EDN3: variants seen among roughly 807,000 people sequenced by gnomAD.
EDN3 encodes endothelin-3.
EDN3 carries 9 observed loss-of-function variants against 21.4 expected under a neutral mutation model. That is an observed-to-expected ratio of 0.42 (90% CI 0.25 to 0.73). EDN3 has a LOEUF of 0.73. Among genes scored for constraint, EDN3 ranks in the 30% least tolerant of loss-of-function variants. The pLI is 0.26. For synonymous variants in EDN3, 133 were observed against 126.2 expected (o/e 1.05, Z -0.36); for missense variants, 327 against 309.4 (o/e 1.06, Z -0.43).
At chr20:59,304,714 T>A (rs1989280205) in intron 2 of EDN3, among the ~76,000 whole-genome samples, 1 of 152,146 alleles carries the variant, frequency 6.6e-6, no homozygotes, top group East Asian at 1.9e-4. Context: ...CAAGGGAAGT[T>A]AACTGTCTAG....
rs11570267 is a variant in EDN3, at chr20:59,303,932, C to T, written c.365+2210C>T. Among the ~76,000 whole-genome samples the T allele has an allele frequency of 4.8e-3, 737 of 152,292 alleles. 3 individuals carry two copies. The highest frequency in any genetic ancestry group is 8.5e-3 in the Non-Finnish European group (579 of 68,040). On this transcript the variant is annotated intron_variant, in intron 2 of 4. Transcript: ENST00000337938. ...CCCTGAGCTACTTGGGAAACAAAAA[C>T]GACAATAGCCAGACTTGAGCATTTT...
chr20:59,310,634 G>A (rs528367853), intron 2 of EDN3, among the ~76,000 whole-genome samples: 1 of 152,220 alleles, frequency 6.6e-6, no homozygotes, highest in Non-Finnish European at 1.5e-5. Flanking sequence ...CCTCCTCAGG[G>A]CAGACTTGGT....
At chr20:59,306,424 C>T (rs551630566) in intron 2 of EDN3, among the ~76,000 whole-genome samples, 93 of 152,010 alleles carry the variant, frequency 6.1e-4, no homozygotes, top group African/African-American at 1.7e-3. Flanking sequence ...AGACATCAGC[C>T]GCTCCAGGAC....
chr20:59,302,883 C>G (rs8183265), intron 2 of EDN3, among the ~76,000 whole-genome samples: 1 of 152,192 alleles, frequency 6.6e-6, no homozygotes, highest in Non-Finnish European at 1.5e-5. Flanking sequence ...ATGGGGCTCA[C>G]TTACCTACCT....
chr20:59,306,935 A>G (rs1434750622), intron 2 of EDN3, among the ~76,000 whole-genome samples: 3 of 152,164 alleles, frequency 2.0e-5, no homozygotes, highest in Non-Finnish European at 4.4e-5. Context: ...ACTTGAAGTC[A>G]GGAGTTTGAG....
intron 2 of EDN3, among the ~76,000 whole-genome samples, chr20:59,314,249 G>A (rs560115944): frequency 3.9e-5 from 6 of 152,250 alleles, no homozygotes; most frequent in South Asian, 2.1e-4. Context: ...GTGTGTTGTC[G>A]CAGTGAAGAA....
chr20:59,303,845 T>G (rs529419427), intron 2 of EDN3, among the ~76,000 whole-genome samples: 1 of 152,328 alleles, frequency 6.6e-6, no homozygotes, highest in East Asian at 1.9e-4. Flanking sequence ...CTTCCCTTCC[T>G]TCCCGACACT....
Position 59,321,113 on chromosome 20 carries a change from G to T in EDN3, c.462G>T (p.Arg154=), listed in dbSNP as rs1346806412. 2 of 1,614,220 alleles carry T rather than the reference G, an allele frequency of 1.2e-6. No homozygotes were observed. Among genetic ancestry groups the T allele is most frequent in the Admixed American group, 1.7e-5 (1 of 60,032 alleles). ...CAGGGAATCTGCAGCTCTCACATCG[G>T]CCACACTTGCGCTGCGCTTGTGTGG... The part of the protein sequence containing the change: ...PLPGNLQLSH[R]PHLRCACVGR... The change falls in exon 3 of 5, where the codon CGG becomes CGT. Residue 154 remains arginine (R), a synonymous_variant. Transcript: ENST00000337938.
chr20:59,322,519 C>A lies in EDN3; in HGVS notation c.588+102C>A. ...GTGTTTTGAGGGGATGGCATCTGGT[C>A]TGGTCCAGTGGGAACCCCAGATCTC... On this transcript the variant is annotated intron_variant, in intron 4 of 4. Transcript: ENST00000337938. The surrounding 1 kb of genome is among the most constrained non-coding windows in gnomAD (Gnocchi z 4.1). 2.0e-6 allele frequency: 3 copies of A among 1,498,882 alleles called. No homozygotes were observed. Among genetic ancestry groups the A allele is most frequent in the Non-Finnish European group, 1.9e-6 (2 of 1,080,788 alleles). The allele number at this position is 1,498,882 out of a possible 1,614,324, so 92.8% of individuals were successfully genotyped here.
At chr20:59,300,905 A>G (rs1011421668) in intron 1 of EDN3, 41 bp downstream of exon 1, 1 of 1,603,274 alleles carries the variant, frequency 6.2e-7, no homozygotes. Flanking sequence ...GCGCGAGCGC[A>G]CACAAAAGGA....
intron 2 of EDN3, among the ~76,000 whole-genome samples, chr20:59,313,136 G>A (rs1978624934): frequency 6.6e-6 from 1 of 152,204 alleles, no homozygotes; most frequent in Non-Finnish European, 1.5e-5. Context: ...CATTGAGTCA[G>A]CCAAGAATGT....
chr20:59,315,455 C>A (rs1990114441), intron 2 of EDN3, among the ~76,000 whole-genome samples: 1 of 152,258 alleles, frequency 6.6e-6, no homozygotes, highest in Non-Finnish European at 1.5e-5. Context: ...AGCAGATCAT[C>A]AACTTGACAT....
chr20:59,307,605 G>A (rs1265831544), intron 2 of EDN3, among the ~76,000 whole-genome samples: 1 of 152,212 alleles, frequency 6.6e-6, no homozygotes, highest in East Asian at 1.9e-4. Flanking sequence ...CCTCACCTGG[G>A]TCAGTATTGA....
chr20:59,307,851 A>ATTT (rs35394805), intron 2 of EDN3, among the ~76,000 whole-genome samples: 1 of 143,784 alleles, frequency 7.0e-6, no homozygotes, highest in Non-Finnish European at 1.5e-5. Flanking sequence ...TAATTTAGTA[A>ATTT]TTTTTTTTTT....
At chr20:59,319,427 G>C (rs377188310) in intron 2 of EDN3, among the ~76,000 whole-genome samples, 1 of 152,146 alleles carries the variant, frequency 6.6e-6, no homozygotes, top group Non-Finnish European at 1.5e-5. Context: ...AAAATGCAGC[G>C]AGGGGCTGGG....
chr20:59,301,804 C>T, intron 2 of EDN3, 82 bp downstream of exon 2: 3 of 1,478,200 alleles, frequency 2.0e-6, no homozygotes, highest in Non-Finnish European at 2.8e-6. Flanking sequence ...CTCACTCCAC[C>T]CCAGCCCCGC....
At position 59,300,847 on chromosome 20, in the gene EDN3, C is replaced by T. The variant is rs754475513; in HGVS notation, c.35C>T (p.Thr12Ile). ...GGGCTGTGGCTCCTTTTCGGGCTCA[C>T]AGTGACCTCCGCCGCAGGTAAGCGC... ...EPGLWLLFGL[T>I]VTSAAGFVPC... The change falls in exon 1 of 5, where the codon ACA becomes ATA. Residue 12 changes from threonine to isoleucine, a missense_variant. Transcript: ENST00000337938. The T allele has an allele frequency of 1.9e-6, 3 of 1,611,212 alleles. No individual in the cohort carries two copies. The East Asian group carries it at 6.7e-5, about 36-fold the overall frequency.
rs556917357 is a variant in EDN3, at chr20:59,315,270, G to A, written c.366-5747G>A. Among the ~76,000 whole-genome samples, 9 of 152,360 alleles carry A rather than the reference G, an allele frequency of 5.9e-5. No individual in the cohort carries two copies. The South Asian group carries it at 1.9e-3, about 32-fold the overall frequency. ...GAGGTAGTATCCAATGACTGCTGGT[G>A]CCTGGCAGCTGGGGGCTGCCTCCTG... is the stretch of plus-strand genomic sequence containing the variant. On this transcript the variant is annotated intron_variant, in intron 2 of 4. Coordinates refer to ENST00000337938, the MANE Select transcript of EDN3 (RefSeq NM_207034.3).
In EDN3 at chr20:59,323,000, A is replaced by G. The variant is rs183521587; in HGVS notation, c.588+583A>G. Among the ~76,000 whole-genome samples the G allele has an allele frequency of 3.9e-5, 6 of 152,006 alleles. No individual in the cohort carries two copies. The East Asian group carries it at 1.2e-3, about 29-fold the overall frequency. On this transcript the variant is annotated intron_variant, in intron 4 of 4. Coordinates refer to ENST00000337938, the MANE Select transcript of EDN3 (RefSeq NM_207034.3). The surrounding 1 kb of genome is among the most constrained non-coding windows in gnomAD (Gnocchi z 4.1). ...GGTTTCCTGCAGTCAAACTGGGTTTATTTGTCATTCTATCAATCAGAAGTC... is the reference window on the plus strand; with the variant it reads ...GGTTTCCTGCAGTCAAACTGGGTTTGTTTGTCATTCTATCAATCAGAAGTC...
Sources: gnomAD v4.1 joint callset for allele counts (sites outside exome capture counted in the v4.1 genomes callset) on GRCh38, gnomAD v4.1.1 for gene constraint, Gnocchi (gnomAD v3.1) non-coding constraint, MANE v1.5 for transcripts, NCBI Gene and HGNC (gene_info 2026-07-23, HGNC 2026-07-21) for gene names.